MARCHF1: variants seen among roughly 807,000 people sequenced by gnomAD.
MARCHF1 encodes the protein membrane associated ring-CH-type finger 1.
MARCHF1 carries 40 observed loss-of-function variants against 54.2 expected under a neutral mutation model. The ratio of observed to expected loss-of-function variants is 0.74; its 90% CI spans 0.57 to 0.96. The LOEUF (loss-of-function observed/expected upper bound fraction) is 0.96, where lower values mean the gene tolerates loss of function less well. Among genes scored for constraint, MARCHF1 ranks in the 40% least tolerant of loss-of-function variants. MARCHF1 has a pLI of 0.00. For synonymous variants in MARCHF1, 236 were observed against 236.3 expected (o/e 1.00, Z 0.01); for missense variants, 586 against 656.5 (o/e 0.89, Z 1.17).
intron 3 of MARCHF1, among the ~76,000 whole-genome samples, chr4:163,899,124 T>C (rs1044895267): frequency 1.3e-5 from 2 of 152,202 alleles, no homozygotes; most frequent in Non-Finnish European, 2.9e-5. Flanking sequence ...CACCAGTATG[T>C]AATATACTCA....
At chr4:163,692,491 G>C (rs1744493286) in intron 5 of MARCHF1, among the ~76,000 whole-genome samples, 1 of 152,156 alleles carries the variant, frequency 6.6e-6, no homozygotes, top group African/African-American at 2.4e-5. Context: ...ACCTATGCTT[G>C]AGGAACAAGA....
intron 5 of MARCHF1, among the ~76,000 whole-genome samples, chr4:163,662,687 T>C (rs1461730585): frequency 2.0e-5 from 3 of 152,048 alleles, no homozygotes; most frequent in Non-Finnish European, 1.5e-5. Flanking sequence ...ATTAGGTCTA[T>C]GTGTGTCTCC....
intron 2 of MARCHF1, among the ~76,000 whole-genome samples, chr4:164,082,974 A>AT (rs1163540714): frequency 6.6e-6 from 1 of 152,068 alleles, no homozygotes; most frequent in Non-Finnish European, 1.5e-5. Flanking sequence ...ACATGTTGGA[A>AT]TTTTTTTTCT....
chr4:163,756,721 A>T (rs1746685674), intron 4 of MARCHF1, among the ~76,000 whole-genome samples: 1 of 151,600 alleles, frequency 6.6e-6, no homozygotes, highest in Non-Finnish European at 1.5e-5. Flanking sequence ...TCTAACTTTC[A>T]TGTGTTCTGA....
intron 1 of MARCHF1, among the ~76,000 whole-genome samples, chr4:164,171,598 T>TC (rs1249445010): frequency 6.6e-6 from 1 of 152,036 alleles, no homozygotes; most frequent in Non-Finnish European, 1.5e-5. Flanking sequence ...ACATTATTTT[T>TC]TCCAAAGGTT....
intron 1 of MARCHF1, among the ~76,000 whole-genome samples, chr4:164,332,379 C>A (rs1243267545): frequency 6.6e-6 from 1 of 152,168 alleles, no homozygotes; most frequent in Non-Finnish European, 1.5e-5. Flanking sequence ...TATTCACAAA[C>A]ATTAATTAGT....
At chr4:164,319,130 G>T (rs1258702750) in intron 1 of MARCHF1, among the ~76,000 whole-genome samples, 1 of 152,046 alleles carries the variant, frequency 6.6e-6, no homozygotes, top group African/African-American at 2.4e-5. Context: ...GAAAGGAAAT[G>T]GATGGTTGTG....
At chr4:163,724,810 G>T (rs1052430346) in intron 4 of MARCHF1, among the ~76,000 whole-genome samples, 1 of 152,166 alleles carries the variant, frequency 6.6e-6, no homozygotes, top group South Asian at 2.1e-4. Context: ...TCCAAGCCAT[G>T]CATGGGATAT....
intron 4 of MARCHF1, among the ~76,000 whole-genome samples, chr4:163,747,855 C>A (rs988134624): frequency 6.6e-6 from 1 of 152,132 alleles, no homozygotes; most frequent in African/African-American, 2.4e-5. Context: ...CCCTGGCCAA[C>A]GGATGAAATG....
intron 5 of MARCHF1, among the ~76,000 whole-genome samples, chr4:163,636,901 C>T (rs917286551): frequency 6.4e-4 from 97 of 152,278 alleles, no homozygotes; most frequent in South Asian, 1.9e-3. Context: ...AACAGAGATA[C>T]AGATCAATGG....
At chr4:164,264,633 C>A (rs548505532) in intron 1 of MARCHF1, among the ~76,000 whole-genome samples, 123 of 152,132 alleles carry the variant, frequency 8.1e-4, no homozygotes, top group African/African-American at 2.6e-3. Context: ...ATGAGACCCA[C>A]CACTGGCTGG....
At position 163,820,464 on chromosome 4, in the gene MARCHF1, T is replaced by C. The variant is rs550895264; in HGVS notation, c.111+33557A>G. On this transcript the variant is annotated intron_variant, in intron 4 of 9. Transcript: ENST00000514618. Reference sequence around the variant, plus strand: ...TTTTATCCTCTTTCACTGGGAAAAATCATTCATGCTCACAGATTCAATGAT... The same window carrying C: ...TTTTATCCTCTTTCACTGGGAAAAACCATTCATGCTCACAGATTCAATGAT... Among the ~76,000 whole-genome samples the C allele has an allele frequency of 1.8e-3, 279 of 152,142 alleles. 1 individual carries two copies. The highest frequency in any genetic ancestry group is 3.3e-3 in the Non-Finnish European group (225 of 67,962).
chr4:163,595,621 G>A (rs867634333), intron 7 of MARCHF1, among the ~76,000 whole-genome samples: 8 of 152,064 alleles, frequency 5.3e-5, no homozygotes, highest in Middle Eastern at 3.2e-3. Flanking sequence ...TGAAATTTGA[G>A]GAAATTATGC....
At chr4:163,639,687 A>G (rs1462619370) in intron 5 of MARCHF1, among the ~76,000 whole-genome samples, 1 of 152,116 alleles carries the variant, frequency 6.6e-6, no homozygotes, top group African/African-American at 2.4e-5. Context: ...GGTCTTTGTC[A>G]CACTATTTGG....
intron 4 of MARCHF1, among the ~76,000 whole-genome samples, chr4:163,775,671 A>G (rs1340975159): frequency 1.3e-5 from 2 of 152,156 alleles, no homozygotes; most frequent in African/African-American, 4.8e-5. Flanking sequence ...ATTTTAAGAT[A>G]ATAAGAAGGC....
chr4:164,050,275 CAAAAAAAAAAAAAAAA>C (rs34642436), intron 2 of MARCHF1, among the ~76,000 whole-genome samples: 1,123 of 40,340 alleles, frequency 0.028, 36 homozygotes, highest in African/African-American at 0.1. Context: ...ACACTGTCTC[CAAAAAAAAAAAAAAAA>C]AAAAAAAAAA....
chr4:163,652,149 C>T (rs1213234679), intron 5 of MARCHF1, among the ~76,000 whole-genome samples: 1 of 151,794 alleles, frequency 6.6e-6, no homozygotes, highest in African/African-American at 2.4e-5. Flanking sequence ...TTCTCTGAGT[C>T]TCTTGGGCTT....
intron 2 of MARCHF1, among the ~76,000 whole-genome samples, chr4:164,021,687 T>C (rs1274677188): frequency 6.6e-6 from 1 of 152,038 alleles, no homozygotes; most frequent in Non-Finnish European, 1.5e-5. Context: ...AAACCCTGTC[T>C]CTACTAAAAA....
intron 3 of MARCHF1, among the ~76,000 whole-genome samples, chr4:163,912,065 G>GT (rs70948676): frequency 2.1e-3 from 314 of 149,326 alleles, no homozygotes; most frequent in African/African-American, 7.3e-3. Flanking sequence ...GGAATGCAGG[G>GT]TTTTTTTTTT....
Sources: allele counts gnomAD v4.1 joint callset (sites outside exome capture counted in the v4.1 genomes callset), GRCh38; gene constraint gnomAD v4.1.1; transcripts MANE v1.5; gene names NCBI Gene and HGNC (gene_info 2026-07-23, HGNC 2026-07-21).